The following PUM2 variants were observed in gnomAD, a reference collection of about 807,000 sequenced individuals.
PUM2 encodes the protein pumilio RNA binding family member 2, also known as pumilio homolog 2.
PUM2 carries 57 observed loss-of-function variants against 124.5 expected under a neutral mutation model. That is an observed-to-expected ratio of 0.46 (90% CI 0.37 to 0.57). The LOEUF is 0.57. Ranked by LOEUF, PUM2 falls within the 20% of genes least tolerant of loss-of-function variation. PUM2 has a pLI of 0.00. For missense variants in PUM2, 1,065 were observed against 1,290.6 expected (o/e 0.83, Z 2.68); for synonymous variants, 460 against 446.1 (o/e 1.03, Z -0.39).
At chr2:20,329,529 T>C (rs1558659360) in intron 1 of PUM2, among the ~76,000 whole-genome samples, 1 of 152,004 alleles carries the variant, frequency 6.6e-6, no homozygotes, top group Non-Finnish European at 1.5e-5. Context: ...TGGGTATGTC[T>C]GAAGAACAAA....
intron 1 of PUM2, among the ~76,000 whole-genome samples, chr2:20,333,987 C>T (rs1033689237): frequency 6.6e-6 from 1 of 152,142 alleles, no homozygotes; most frequent in Admixed American, 6.5e-5. Context: ...GCTTTCACTT[C>T]ACCTTCTGTC....
intron 15 of PUM2, among the ~76,000 whole-genome samples, chr2:20,258,650 CTTTTTTTT>C (rs1057217780): frequency 8.5e-5 from 8 of 93,842 alleles, no homozygotes; most frequent in African/African-American, 2.9e-4. Context: ...AACCCTTCAT[CTTTTTTTT>C]TTTTTTTTTT....
rs748535591 is a variant in PUM2 at position 20,312,413 on chromosome 2, C to A, written c.171G>T (p.Met57Ile). Residue 57 changes from methionine to isoleucine, a missense_variant, in exon 4 of 21, where the codon ATG becomes ATT. Met to Ile is a conservative substitution (Grantham distance 10). Transcript: ENST00000361078. ...ETAWGASHHSMSQPIMVQRRS... is the reference protein window; with the variant it reads ...ETAWGASHHSISQPIMVQRRS... ...TTCTCTGTACCATAATAGGCTGGGA[C>A]ATTGAATGGTCTGTTTGGAAGAAAA... 1.2e-6 allele frequency: 2 copies of A among 1,612,904 alleles called. No individual in the cohort carries two copies. The highest frequency in any genetic ancestry group is 1.7e-6 in the Non-Finnish European group (2 of 1,179,470).
intron 1 of PUM2, among the ~76,000 whole-genome samples, chr2:20,337,945 A>C (rs1244274347): frequency 6.6e-6 from 1 of 152,184 alleles, no homozygotes. Context: ...TCAATACTGC[A>C]TCATTACTTT....
At chr2:20,339,418 T>G (rs1286508431) in intron 1 of PUM2, among the ~76,000 whole-genome samples, 1 of 152,168 alleles carries the variant, frequency 6.6e-6, no homozygotes, top group East Asian at 1.9e-4. Context: ...ATTTTAGTCT[T>G]GTTTGTAAGT....
intron 17 of PUM2, 89 bp from the exon 18 acceptor site, chr2:20,255,430 GACA>G (rs1664549181): frequency 2.1e-5 from 21 of 1,014,188 alleles, no homozygotes; most frequent in Non-Finnish European, 5.6e-6. Context: ...TTTTTTTTTT[GACA>G]ACACCTAAAA....
At chr2:20,326,310 TGAA>T in intron 2 of PUM2, 2 of 1,303,962 alleles carry the variant, frequency 1.5e-6, no homozygotes, top group African/African-American at 1.5e-5. Flanking sequence ...AACGCTGTTC[TGAA>T]GAAGGGGAGG....
Position 20,283,038 on chromosome 2 carries a change from A to G in PUM2, c.1629T>C (p.Pro543=), listed in dbSNP as rs1285013585. The G allele has an allele frequency of 1.2e-6, 2 of 1,614,140 alleles. No individual in the cohort carries two copies. The highest frequency in any genetic ancestry group is 1.7e-6 in the Non-Finnish European group (2 of 1,180,014). ...CAAGAGATGTACTTCCAGGTTGACC[A>G]GGTCCATGAGAAAATAAAGAACTAC... ...SQSSSLFSHG[P]GQPGSTSLGF... is the part of the protein sequence containing the mutation. The change falls in exon 12 of 21, where the codon CCT becomes CCC. Residue 543 remains proline, a synonymous_variant. Transcript: ENST00000361078.
Position 20,292,852 on chromosome 2 carries a change from G to A in PUM2, c.1152+1524C>T, listed in dbSNP as rs377099893. 2.6e-4 allele frequency among the ~76,000 whole-genome samples: 40 copies of A among 152,130 alleles called. No homozygotes were observed. The East Asian group carries it at 6.6e-3, about 25-fold the overall frequency. ...AGGCTGAGGCAAGAGAATTGCTGCC[G>A]GGAGGCAGAGGTTGTGGTGAGCTGA... On this transcript the variant is annotated intron_variant, in intron 9 of 20. Transcript: ENST00000361078.
At chr2:20,255,487 TACC>T (rs1175157247) in intron 17 of PUM2, 146 bp from the exon 18 acceptor site, 1 of 736,264 alleles carries the variant, frequency 1.4e-6, no homozygotes, top group South Asian at 1.9e-5. Context: ...TTAATATGAC[TACC>T]ACCATGTTAG....
At chr2:20,291,263 C>T (rs573243065) in intron 9 of PUM2, among the ~76,000 whole-genome samples, 12 of 152,294 alleles carry the variant, frequency 7.9e-5, no homozygotes, top group African/African-American at 2.2e-4. Flanking sequence ...GAATGGTAAA[C>T]TCATGTGACC....
Position 20,253,779 on chromosome 2 carries a change from A to T in PUM2, c.3063+43T>A, listed in dbSNP as rs551777316. The T allele has an allele frequency of 2.6e-5, 40 of 1,530,236 alleles. No individual in the cohort carries two copies. In the South Asian group the frequency reaches 4.8e-4, roughly 19 times the overall value. 94.8% of individuals were successfully genotyped at this position (1,530,236 alleles called of 1,614,324 possible). A position where few individuals can be genotyped will look rare whatever the true frequency, so the allele number is the denominator to read the frequency against. On this transcript the variant is annotated intron_variant, in intron 20 of 20. Transcript: ENST00000361078. ...CAAGGAGGTTAAATGTGTAGCCTAAACACAAAGACAAACAGTTATCTGAGT... is the reference window on the plus strand; with the variant it reads ...CAAGGAGGTTAAATGTGTAGCCTAATCACAAAGACAAACAGTTATCTGAGT...
chr2:20,328,899 C>T (rs552833451), intron 1 of PUM2, among the ~76,000 whole-genome samples: 19 of 152,228 alleles, frequency 1.2e-4, no homozygotes, highest in East Asian at 3.9e-4. Context: ...AATTTGGGTG[C>T]GGTGGCTCAT....
Position 20,350,795 on chromosome 2 carries a change from G to A in PUM2, c.-217C>T, listed in dbSNP as rs1291970737. On this transcript the variant is annotated 5_prime_UTR_variant, in exon 1 of 21. Coordinates refer to ENST00000361078, the MANE Select transcript of PUM2 (RefSeq NM_015317.5). ...CGAACCACCGAAGTACCGAGGGTGA[G>A]ACACAGAGACTCACAACAACATGGC... 1 of 980,786 alleles carries A rather than the reference G, an allele frequency of 1.0e-6. No individual in the cohort carries two copies. Among genetic ancestry groups the A allele is most frequent in the South Asian group, 4.7e-5 (1 of 21,122 alleles). The allele number at this position is 980,786 out of a possible 1,614,324, so 60.8% of individuals were successfully genotyped here. A position where few individuals can be genotyped will look rare whatever the true frequency, so the allele number is the denominator to read the frequency against.
At chr2:20,286,072 G>A (rs2148938875) in intron 10 of PUM2, among the ~76,000 whole-genome samples, 1 of 152,322 alleles carries the variant, frequency 6.6e-6, no homozygotes, top group East Asian at 1.9e-4. Flanking sequence ...GATCCTTACA[G>A]GTCACTGTTA....
upstream of PUM2, chr2:20,350,880 G>C (rs913987373): frequency 1.2e-5 from 9 of 722,340 alleles, no homozygotes; most frequent in African/African-American, 1.9e-5. Context: ...GTGCACCCCG[G>C]GAGAAAGGGG....
intron 13 of PUM2, among the ~76,000 whole-genome samples, chr2:20,268,030 G>A (rs1442976951): frequency 6.6e-6 from 1 of 152,142 alleles, no homozygotes; most frequent in African/African-American, 2.4e-5. Context: ...GGCAAGGGGT[G>A]CTGGGGGAGA....
intron 7 of PUM2, among the ~76,000 whole-genome samples, chr2:20,306,515 G>A (rs920629851): frequency 1.3e-5 from 2 of 151,888 alleles, no homozygotes; most frequent in Non-Finnish European, 1.5e-5. Context: ...GGGATAAAGC[G>A]GGTGGGGAAA....
chr2:20,278,913 C>T (rs1670883858), intron 12 of PUM2, 94 bp from the exon 13 acceptor site: 1 of 864,532 alleles, frequency 1.2e-6, no homozygotes, highest in Non-Finnish European at 1.8e-6. Flanking sequence ...GAAGTGATCA[C>T]AATAATTATT....
Sources: gnomAD v4.1 joint callset for allele counts (sites outside exome capture counted in the v4.1 genomes callset) on GRCh38, gnomAD v4.1.1 for gene constraint, MANE v1.5 for transcripts, NCBI Gene and HGNC (gene_info 2026-07-23, HGNC 2026-07-21) for gene names.